CACNA2D1: variants seen among roughly 807,000 people sequenced by gnomAD.
CACNA2D1 encodes the protein voltage-dependent calcium channel subunit alpha-2/delta-1.
A neutral mutation model predicts 171.5 loss-of-function variants in CACNA2D1; 53 were observed. The ratio of observed to expected loss-of-function variants is 0.31; its 90% CI spans 0.25 to 0.39. The LOEUF is 0.39. Among genes scored for constraint, CACNA2D1 ranks in the 10% least tolerant of loss-of-function variants. The pLI is 1.00. For missense variants in CACNA2D1, 903 were observed against 1,299.8 expected (o/e 0.69, Z 4.69); for synonymous variants, 442 against 443.1 (o/e 1.00, Z 0.03).
In CACNA2D1 at chr7:82,332,508, T is replaced by TAGAAAGAAAGAA. The variant is rs1238319833; in HGVS notation, c.294+2626_294+2627insTTCTTTCTTTCT. Among the ~76,000 whole-genome samples the TAGAAAGAAAGAA allele has an allele frequency of 6.7e-3, 233 of 34,624 alleles. 1 individual carries two copies. Among genetic ancestry groups the TAGAAAGAAAGAA allele is most frequent in the African/African-American group, 0.015 (194 of 13,282 alleles). The allele number at this position is 34,624 out of a possible 152,430, so 22.7% of individuals were successfully genotyped here. On this transcript the variant is annotated intron_variant, in intron 3 of 38. Transcript: ENST00000356860. ...ACGAAGCATAGAAATAAAAAAGAAA[T>TAGAAAGAAAGAA]ATAAAGAAAGAAAGAAAGAAAGAAA... is the stretch of plus-strand genomic sequence containing the variant.
At chr7:82,316,744 G>A (rs1815173433) in intron 3 of CACNA2D1, among the ~76,000 whole-genome samples, 1 of 152,176 alleles carries the variant, frequency 6.6e-6, no homozygotes, top group South Asian at 2.1e-4. Flanking sequence ...CAATCATGGT[G>A]GAAGGCACAG....
chr7:82,003,276 TTC>T (rs1562852988), intron 18 of CACNA2D1, among the ~76,000 whole-genome samples: 1 of 152,086 alleles, frequency 6.6e-6, no homozygotes, highest in East Asian at 1.9e-4. Flanking sequence ...GGAAATGTCT[TTC>T]TGTTACATAT....
intron 2 of CACNA2D1, among the ~76,000 whole-genome samples, chr7:82,338,527 C>T (rs1006845126): frequency 1.3e-5 from 2 of 152,136 alleles, no homozygotes; most frequent in Non-Finnish European, 2.9e-5. Flanking sequence ...TAGGCAGCTA[C>T]TCTATATCAC....
intron 1 of CACNA2D1, among the ~76,000 whole-genome samples, chr7:82,412,716 A>C (rs865857879): frequency 2.0e-5 from 3 of 151,960 alleles, no homozygotes; most frequent in Middle Eastern, 3.4e-3. Flanking sequence ...TTCTAATCAG[A>C]AAATATCACG....
At chr7:82,061,596 C>T (rs1806925149) in intron 9 of CACNA2D1, among the ~76,000 whole-genome samples, 2 of 152,252 alleles carry the variant, frequency 1.3e-5, no homozygotes, top group South Asian at 4.1e-4. Context: ...CCAACAGGTT[C>T]TTCCTGCCCG....
chr7:82,122,583 C>G (rs1405912233), intron 5 of CACNA2D1, among the ~76,000 whole-genome samples: 2 of 152,094 alleles, frequency 1.3e-5, no homozygotes, highest in African/African-American at 4.8e-5. Context: ...TTCAAATATC[C>G]AGCATCAGAA....
chr7:81,964,507 G>A, intron 32 of CACNA2D1, 148 bp from the exon 33 acceptor site: 1 of 634,870 alleles, frequency 1.6e-6, no homozygotes, highest in Non-Finnish European at 2.7e-6. Context: ...TGAGAAACGT[G>A]TATATGACAC....
At chr7:82,004,542 C>T (rs1287906391) in intron 18 of CACNA2D1, among the ~76,000 whole-genome samples, 1 of 151,840 alleles carries the variant, frequency 6.6e-6, no homozygotes, top group African/African-American at 2.4e-5. Flanking sequence ...ATTTAAATAA[C>T]ACAAGTTTTT....
intron 6 of CACNA2D1, among the ~76,000 whole-genome samples, chr7:82,103,892 CTTTA>C (rs1462579853): frequency 6.6e-6 from 1 of 151,840 alleles, no homozygotes; most frequent in African/African-American, 2.4e-5. Context: ...CTTAACTGAA[CTTTA>C]TTTAAAAGAT....
At position 82,428,923 on chromosome 7, in the gene CACNA2D1, C is replaced by T. The variant is rs184218265; in HGVS notation, c.95+14442G>A. Reference sequence around the variant, plus strand: ...ATAGACTCATATGGTTCTGGCTTTACTTAAGTATCTATCAACTTAGCAATT... The same window carrying T: ...ATAGACTCATATGGTTCTGGCTTTATTTAAGTATCTATCAACTTAGCAATT... On this transcript the variant is annotated intron_variant, in intron 1 of 38. Coordinates refer to ENST00000356860, the MANE Select transcript of CACNA2D1 (RefSeq NM_000722.4). 3.7e-4 allele frequency among the ~76,000 whole-genome samples: 57 copies of T among 152,282 alleles called. 3 individuals carry two copies. The highest frequency in any genetic ancestry group is 3.3e-3 in the Admixed American group (50 of 15,290).
intron 10 of CACNA2D1, among the ~76,000 whole-genome samples, chr7:82,045,902 G>A (rs1435302250): frequency 2.6e-5 from 4 of 152,032 alleles, no homozygotes; most frequent in South Asian, 2.1e-4. Context: ...AACCCCAAGC[G>A]CAAATTCCCT....
chr7:82,135,365 T>C (rs901628049), intron 5 of CACNA2D1, among the ~76,000 whole-genome samples: 4 of 152,086 alleles, frequency 2.6e-5, no homozygotes, highest in South Asian at 4.1e-4. Flanking sequence ...CATTAAAACA[T>C]TTTGTTTTAG....
At position 82,040,883 on chromosome 7, in the gene CACNA2D1, G is replaced by A. The variant is rs551531189; in HGVS notation, c.880-2648C>T. Among the ~76,000 whole-genome samples the A allele has an allele frequency of 8.2e-4, 125 of 152,270 alleles. 1 individual carries two copies. The highest frequency in any genetic ancestry group is 2.9e-3 in the African/African-American group (121 of 41,568). On this transcript the variant is annotated intron_variant, in intron 10 of 38. Transcript: ENST00000356860. ...CCAGCTACTCATGAGGCTGAGGCAGGAGAATCACTTGAACCAGGGAGGCGG... is the reference window on the plus strand; with the variant it reads ...CCAGCTACTCATGAGGCTGAGGCAGAAGAATCACTTGAACCAGGGAGGCGG...
At chr7:82,338,863 T>C (rs894460490) in intron 2 of CACNA2D1, among the ~76,000 whole-genome samples, 14 of 152,120 alleles carry the variant, frequency 9.2e-5, no homozygotes, top group African/African-American at 3.4e-4. Flanking sequence ...TGCTAGGAGA[T>C]AGGCTCCGTG....
At chr7:82,097,257 C>T (rs532594341) in intron 6 of CACNA2D1, among the ~76,000 whole-genome samples, 1 of 152,084 alleles carries the variant, frequency 6.6e-6, no homozygotes, top group South Asian at 2.1e-4. Context: ...TTATAATAAT[C>T]TAGGAATACT....
intron 4 of CACNA2D1, among the ~76,000 whole-genome samples, chr7:82,157,517 C>CA (rs1184067107): frequency 6.6e-6 from 1 of 151,968 alleles, no homozygotes; most frequent in Non-Finnish European, 1.5e-5. Flanking sequence ...TGAATCAGAA[C>CA]GTCAGAGAAA....
intron 3 of CACNA2D1, among the ~76,000 whole-genome samples, chr7:82,321,331 G>A (rs1563363514): frequency 6.6e-6 from 1 of 152,068 alleles, no homozygotes; most frequent in Non-Finnish European, 1.5e-5. Flanking sequence ...CCTGGGAGGT[G>A]GAGGTTGCAG....
At chr7:82,442,926 A>T (rs1830615042) in intron 1 of CACNA2D1, among the ~76,000 whole-genome samples, 2 of 152,238 alleles carry the variant, frequency 1.3e-5, no homozygotes, top group African/African-American at 2.4e-5. Context: ...GTGCGGGGGA[A>T]GTCCACGCTA....
At chr7:82,170,300 A>G (rs1469500878) in intron 4 of CACNA2D1, among the ~76,000 whole-genome samples, 3 of 151,436 alleles carry the variant, frequency 2.0e-5, no homozygotes, top group African/African-American at 4.9e-5. Context: ...ATGGGAGAAC[A>G]TTTCAAGGGT....
Sources: allele counts gnomAD v4.1 joint callset (sites outside exome capture counted in the v4.1 genomes callset), GRCh38; gene constraint gnomAD v4.1.1; transcripts MANE v1.5; gene names NCBI Gene and HGNC (gene_info 2026-07-23, HGNC 2026-07-21).